PHF3: variants seen among roughly 807,000 people sequenced by gnomAD.
PHF3 encodes PHD finger protein 3.
In PHF3, 41 loss-of-function variants were observed where a neutral mutation model predicts 178.4. That is an observed-to-expected ratio of 0.23 (90% confidence interval 0.18 to 0.30). The LOEUF (loss-of-function observed/expected upper bound fraction) is 0.30, where lower values mean the gene tolerates loss of function less well. PHF3 is among the 10% of genes least tolerant of loss of function. The probability of loss-of-function intolerance (pLI) is 1.00; values close to 1 mark genes in which losing one functional copy is unlikely to be tolerated. For missense variants in PHF3, 2,346 were observed against 2,398.1 expected (o/e 0.98, Z 0.45); for synonymous variants, 842 against 800.5 (o/e 1.05, Z -0.88).
At chr6:63,699,243 A>AAT (rs2149599291) in intron 8 of PHF3, among the ~76,000 whole-genome samples, 1 of 152,326 alleles carries the variant, frequency 6.6e-6, no homozygotes, top group South Asian at 2.1e-4. Flanking sequence ...TGATAAGTAC[A>AAT]ATAAGCAAAA....
At chr6:63,646,845 T>TA (rs758348005) in intron 2 of PHF3, 50 bp downstream of exon 2, 18 of 1,230,526 alleles carry the variant, frequency 1.5e-5, no homozygotes, top group Admixed American at 6.6e-5. Context: ...CAATTTAAAA[T>TA]AAAAAAATTT....
chr6:63,708,809 A>G (rs528753238), intron 13 of PHF3, among the ~76,000 whole-genome samples: 4 of 152,304 alleles, frequency 2.6e-5, no homozygotes, highest in South Asian at 4.1e-4. Flanking sequence ...GGAGGTTACA[A>G]TCTCTGCTAA....
At chr6:63,701,514 G>A (rs1217867758) in intron 9 of PHF3, among the ~76,000 whole-genome samples, 1 of 152,134 alleles carries the variant, frequency 6.6e-6, no homozygotes, top group Non-Finnish European at 1.5e-5. Flanking sequence ...GCATCAGAAT[G>A]TTAGCCCCTT....
At chr6:63,678,459 CTTTTAT>C (rs1766280865) in intron 2 of PHF3, among the ~76,000 whole-genome samples, 1 of 152,014 alleles carries the variant, frequency 6.6e-6, no homozygotes, top group South Asian at 2.1e-4. Context: ...TCTATTTTTA[CTTTTAT>C]AATACATGCT....
chr6:63,687,726 T>C (rs1179519323), intron 4 of PHF3, among the ~76,000 whole-genome samples: 1 of 152,232 alleles, frequency 6.6e-6, no homozygotes, highest in East Asian at 1.9e-4. Context: ...TTTTTAATGA[T>C]GACTCATGCT....
At position 63,720,882 on chromosome 6, in the gene PHF3, A is replaced by G; in HGVS notation, c.*7174A>G. The G allele has an allele frequency of 1.9e-6, 3 of 1,551,160 alleles. No individual in the cohort carries two copies. Among genetic ancestry groups the G allele is most frequent in the Non-Finnish European group, 2.6e-6 (3 of 1,146,600 alleles). On this transcript the variant is annotated 3_prime_UTR_variant, in exon 16 of 16. Coordinates refer to ENST00000262043, the MANE Select transcript of PHF3 (RefSeq NM_001370348.2). ...GGCCTTGATAAGAGTCTGATTTTGA[A>G]TTACAACTACATGGTGCCATTTATT...
At chr6:63,691,108 A>C (rs1238448591) in intron 4 of PHF3, among the ~76,000 whole-genome samples, 2 of 152,192 alleles carry the variant, frequency 1.3e-5, no homozygotes, top group Non-Finnish European at 2.9e-5. Context: ...TTAAAAGTAC[A>C]GAAAAAGATT....
intron 1 of PHF3, among the ~76,000 whole-genome samples, chr6:63,642,983 A>G (rs1294777470): frequency 6.6e-6 from 1 of 152,138 alleles, no homozygotes; most frequent in Non-Finnish European, 1.5e-5. Flanking sequence ...TAGTGTTTGT[A>G]TATACTCTTA....
intron 5 of PHF3, among the ~76,000 whole-genome samples, chr6:63,693,844 A>G (rs1274330067): frequency 2.0e-5 from 3 of 152,138 alleles, no homozygotes; most frequent in South Asian, 2.1e-4. Flanking sequence ...TTTATGTTGA[A>G]CTATTTATTG....
intron 1 of PHF3, among the ~76,000 whole-genome samples, chr6:63,641,223 G>A (rs1216427716): frequency 6.6e-6 from 1 of 152,140 alleles, no homozygotes; most frequent in Non-Finnish European, 1.5e-5. Context: ...GTCTTTGTCT[G>A]GATTGCTCTT....
chr6:63,711,465 A>G lies in PHF3; in HGVS notation c.3997+103A>G, dbSNP rs369980734. 103 of 1,334,914 alleles carry G rather than the reference A, an allele frequency of 7.7e-5. No homozygotes were observed. The South Asian group carries it at 1.3e-3, about 17-fold the overall frequency. The allele number at this position is 1,334,914 out of a possible 1,614,324, so 82.7% of individuals were successfully genotyped here. ...CTTCTTTCTCAGGATCCAGCCCTCTAGAGATGGCTTGACAGGGCCAGGCAC... is the reference window on the plus strand; with the variant it reads ...CTTCTTTCTCAGGATCCAGCCCTCTGGAGATGGCTTGACAGGGCCAGGCAC... On this transcript the variant is annotated intron_variant, in intron 15 of 15. Transcript: ENST00000262043.
chr6:63,648,853 AG>A (rs1379724320), intron 2 of PHF3, among the ~76,000 whole-genome samples: 1 of 152,060 alleles, frequency 6.6e-6, no homozygotes, highest in African/African-American at 2.4e-5. Flanking sequence ...AAGATATGTA[AG>A]GAAATATGTG....
chr6:63,715,591 TC>T lies in PHF3; in HGVS notation c.*1884del, dbSNP rs1768162637. 1 of 152,156 alleles carries T rather than the reference TC, an allele frequency of 6.6e-6. No individual in the cohort carries two copies. The highest frequency in any genetic ancestry group is 2.4e-5 in the African/African-American group (1 of 41,446). The allele number at this position is 152,156 out of a possible 1,614,324, so 9.4% of individuals were successfully genotyped here. On this transcript the variant is annotated 3_prime_UTR_variant, in exon 16 of 16. Transcript: ENST00000262043. ...TTTAGGTCAGTTTTTGATCACCTCT[TC>T]GCTAATAGTTTTTTCTACATATCTA...
In PHF3 at chr6:63,721,944, C is replaced by T; in HGVS notation, c.*8236C>T. On this transcript the variant is annotated 3_prime_UTR_variant, in exon 16 of 16. Coordinates refer to ENST00000262043, the MANE Select transcript of PHF3 (RefSeq NM_001370348.2). The stretch of plus-strand genomic sequence containing the variant: ...CACAATTGTGTTAGTTTTGTTTCCA[C>T]TCACAGAGCAAAATGCATATATCCT... 4 of 716,680 alleles carry T rather than the reference C, an allele frequency of 5.6e-6. No homozygotes were observed. The South Asian group carries it at 7.9e-5, about 14-fold the overall frequency. 44.4% of individuals were successfully genotyped at this position (716,680 alleles called of 1,614,324 possible).
chr6:63,673,478 T>G (rs929318244), intron 2 of PHF3, among the ~76,000 whole-genome samples: 1 of 152,114 alleles, frequency 6.6e-6, no homozygotes. Flanking sequence ...CAGCTTCAAC[T>G]GCTTATTCCA....
intron 2 of PHF3, among the ~76,000 whole-genome samples, chr6:63,647,610 T>G (rs1165220758): frequency 1.3e-5 from 2 of 152,368 alleles, no homozygotes; most frequent in East Asian, 3.9e-4. Context: ...TGTCTTATAT[T>G]TCTGTTGGAC....
Position 63,711,338 on chromosome 6 carries a change from C to T in PHF3, c.3973C>T (p.Pro1325Ser), listed in dbSNP as rs1487550751. The T allele has an allele frequency of 3.1e-6, 5 of 1,608,750 alleles. No homozygotes were observed. The African/African-American group carries it at 5.4e-5, about 17-fold the overall frequency. ...GGGTGCCACAGATAAAATTCCACACCCTCTTGTGCCTTTTGATGGACCTGG... is the reference window on the plus strand; with the variant it reads ...GGGTGCCACAGATAAAATTCCACACTCTCTTGTGCCTTTTGATGGACCTGG... ...PLGATDKIPH[P>S]LVPFDGPGLE... is the part of the protein sequence containing the mutation. Residue 1325 changes from proline (P) to serine (S), a missense_variant, in exon 15 of 16, where the codon CCT (proline) becomes TCT (serine). By Grantham distance (74) the Pro-to-Ser change is moderately conservative. Coordinates refer to ENST00000262043, the MANE Select transcript of PHF3 (RefSeq NM_001370348.2).
chr6:63,694,901 G>A (rs1228956447), intron 6 of PHF3, 137 bp downstream of exon 6: 1 of 425,792 alleles, frequency 2.3e-6, no homozygotes, highest in African/African-American at 2.1e-5. Context: ...AATACAAATG[G>A]GTTAGGTGAT....
At chr6:63,701,192 T>TA (rs1365627800) in intron 9 of PHF3, among the ~76,000 whole-genome samples, 1 of 152,146 alleles carries the variant, frequency 6.6e-6, no homozygotes, top group African/African-American at 2.4e-5. Flanking sequence ...CCCTGAAAAA[T>TA]AAAGTTATTT....
Sources: allele counts gnomAD v4.1 joint callset (sites outside exome capture counted in the v4.1 genomes callset), GRCh38; gene constraint gnomAD v4.1.1; transcripts MANE v1.5; gene names NCBI Gene and HGNC (gene_info 2026-07-23, HGNC 2026-07-21).